MTSS1: variants seen among roughly 807,000 people sequenced by gnomAD.
The protein encoded by MTSS1 is protein MTSS 1.
In MTSS1, 18 loss-of-function variants were observed where a neutral mutation model predicts 79.0. That is an observed-to-expected ratio of 0.23 (90% CI 0.16 to 0.34). The LOEUF (loss-of-function observed/expected upper bound fraction) is 0.34, where lower values mean the gene tolerates loss of function less well. MTSS1 is among the 10% of genes least tolerant of loss of function. MTSS1 has a pLI of 1.00. For missense variants in MTSS1, 815 were observed against 986.2 expected (o/e 0.83, Z 2.33); for synonymous variants, 341 against 368.6 (o/e 0.93, Z 0.86).
chr8:124,635,941 C>G (rs888502481), intron 3 of MTSS1, among the ~76,000 whole-genome samples: 1 of 152,062 alleles, frequency 6.6e-6, no homozygotes, highest in East Asian at 1.9e-4. Flanking sequence ...AGCACCTGAA[C>G]GAGTCTTTAA....
intron 1 of MTSS1, among the ~76,000 whole-genome samples, chr8:124,711,263 C>T (rs1409684147): frequency 1.3e-5 from 2 of 152,192 alleles, no homozygotes; most frequent in Non-Finnish European, 2.9e-5. Context: ...ATCTGAGGTG[C>T]TGCTGCTCCT....
rs760992970 is a variant in MTSS1, at chr8:124,555,837, G to A, written c.1472C>T (p.Thr491Ile). ...LALSRGLQLDTQRSSRDSLQC... is the reference protein window; with the variant it reads ...LALSRGLQLDIQRSSRDSLQC... Reference sequence around the variant, plus strand: ...AAGCGAGTCCCGGCTGCTCCTCTGGGTGTCCAGCTGCAGGCCCCGAGACAG... The same window carrying A: ...AAGCGAGTCCCGGCTGCTCCTCTGGATGTCCAGCTGCAGGCCCCGAGACAG... Residue 491 changes from threonine (T) to isoleucine (I), a missense_variant, in exon 13 of 14, where the codon ACC (threonine) becomes ATC (isoleucine). Physicochemically the swap from Thr to Ile is moderately conservative, Grantham distance 89. Around this residue, in one of 2 missense-constraint regions of MTSS1, gnomAD observed 590 missense variants for 620.8 expected, o/e 0.95. Coordinates refer to ENST00000518547, the MANE Select transcript of MTSS1 (RefSeq NM_014751.6). 3.1e-6 allele frequency: 5 copies of A among 1,613,414 alleles called. No individual in the cohort carries two copies. The highest frequency in any genetic ancestry group is 2.5e-6 in the Non-Finnish European group (3 of 1,179,980).
intron 1 of MTSS1, among the ~76,000 whole-genome samples, chr8:124,704,763 T>G (rs1047792580): frequency 2.6e-5 from 4 of 152,232 alleles, no homozygotes; most frequent in Admixed American, 2.6e-4. Context: ...ACTCATCACC[T>G]TCCCAGCCTA....
At chr8:124,638,516 C>CT (rs1817441453) in intron 3 of MTSS1, among the ~76,000 whole-genome samples, 1 of 152,170 alleles carries the variant, frequency 6.6e-6, no homozygotes, top group South Asian at 2.1e-4. Flanking sequence ...TCCAAATTTC[C>CT]TTCCCCGGCG....
chr8:124,592,648 CA>C (rs1195073302), intron 3 of MTSS1, among the ~76,000 whole-genome samples: 1 of 152,162 alleles, frequency 6.6e-6, no homozygotes, highest in Non-Finnish European at 1.5e-5. Context: ...GTAACTGTGA[CA>C]TATATATCGT....
chr8:124,664,041 G>C (rs1302386977), intron 3 of MTSS1, among the ~76,000 whole-genome samples: 1 of 152,226 alleles, frequency 6.6e-6, no homozygotes, highest in African/African-American at 2.4e-5. Context: ...CCTGTGCCCA[G>C]GTCGGTGAGA....
chr8:124,668,661 A>G (rs1041258627), intron 3 of MTSS1, among the ~76,000 whole-genome samples: 1 of 152,218 alleles, frequency 6.6e-6, no homozygotes, highest in Non-Finnish European at 1.5e-5. Context: ...GGACCAGAAA[A>G]GAAAGATGAA....
At chr8:124,656,794 A>AAG (rs1563943337) in intron 3 of MTSS1, among the ~76,000 whole-genome samples, 1 of 150,934 alleles carries the variant, frequency 6.6e-6, no homozygotes, top group African/African-American at 2.4e-5. Context: ...AAAAAAAAAA[A>AAG]AAAAAGAAAA....
chr8:124,713,367 C>T (rs996751388), intron 1 of MTSS1, among the ~76,000 whole-genome samples: 5 of 152,220 alleles, frequency 3.3e-5, no homozygotes, highest in Non-Finnish European at 5.9e-5. Context: ...CCATGCTCCA[C>T]ATTTCTTGAA....
At chr8:124,602,140 A>G (rs1165497844) in intron 3 of MTSS1, among the ~76,000 whole-genome samples, 1 of 133,640 alleles carries the variant, frequency 7.5e-6, no homozygotes, top group Non-Finnish European at 1.6e-5. Context: ...ACTAACACAA[A>G]CAACAGCTAC....
intron 3 of MTSS1, among the ~76,000 whole-genome samples, chr8:124,658,754 G>A (rs910633839): frequency 1.1e-4 from 16 of 152,024 alleles, no homozygotes; most frequent in African/African-American, 2.9e-4. Flanking sequence ...GCAGCAAAGC[G>A]CCAAGGGGGA....
At chr8:124,633,663 G>A (rs187035962) in intron 3 of MTSS1, among the ~76,000 whole-genome samples, 60 of 152,066 alleles carry the variant, frequency 3.9e-4, no homozygotes, top group African/African-American at 1.3e-3. Context: ...CCAGCTACTC[G>A]AGGGGCTGAG....
intron 3 of MTSS1, among the ~76,000 whole-genome samples, chr8:124,691,943 A>G (rs1204783404): frequency 2.6e-5 from 4 of 152,172 alleles, no homozygotes. Flanking sequence ...TTTGAAAAAA[A>G]ATTGTTTTCA....
intron 3 of MTSS1, among the ~76,000 whole-genome samples, chr8:124,682,967 T>C (rs1826366616): frequency 6.6e-6 from 1 of 152,218 alleles, no homozygotes; most frequent in South Asian, 2.1e-4. Flanking sequence ...TGTCTTGCTT[T>C]TTGAAAGCTG....
chr8:124,611,174 G>T (rs186301986), intron 3 of MTSS1, among the ~76,000 whole-genome samples: 3 of 146,130 alleles, frequency 2.1e-5, no homozygotes, highest in Non-Finnish European at 4.5e-5. Context: ...GCTTCTCCCA[G>T]GGCCCTGCCC....
Position 124,552,458 on chromosome 8 carries a change from T to C in MTSS1, c.*534A>G, listed in dbSNP as rs1205865128. On this transcript the variant is annotated 3_prime_UTR_variant, in exon 14 of 14. Transcript: ENST00000518547. ...CTTCACTCTGAATATTGCTCATCAA[T>C]TGTTACTCCTGCTCTTTTCATCCAG... is the stretch of plus-strand genomic sequence containing the variant. 6.4e-6 allele frequency: 1 copy of C among 156,208 alleles called. No homozygotes were observed. Among genetic ancestry groups the C allele is most frequent in the Non-Finnish European group, 1.4e-5 (1 of 70,366 alleles). 9.7% of individuals were successfully genotyped at this position (156,208 alleles called of 1,614,324 possible).
intron 3 of MTSS1, among the ~76,000 whole-genome samples, chr8:124,677,489 C>T (rs1264810589): frequency 6.6e-6 from 1 of 152,216 alleles, no homozygotes; most frequent in Non-Finnish European, 1.5e-5. Flanking sequence ...TAGGGATGCA[C>T]TCTTACATTT....
intron 3 of MTSS1, among the ~76,000 whole-genome samples, chr8:124,685,953 A>G (rs1826898601): frequency 6.6e-6 from 1 of 152,216 alleles, no homozygotes; most frequent in South Asian, 2.1e-4. Context: ...CCAAGGAGCC[A>G]GCAGTCGGAA....
chr8:124,606,095 C>A (rs563278888), intron 3 of MTSS1, among the ~76,000 whole-genome samples: 2 of 151,204 alleles, frequency 1.3e-5, no homozygotes, highest in Non-Finnish European at 2.9e-5. Flanking sequence ...TGTGCCTCAG[C>A]CTCCCAAGTA....
Sources: gnomAD v4.1 joint callset for allele counts (sites outside exome capture counted in the v4.1 genomes callset) on GRCh38, gnomAD v4.1.1 for gene constraint, gnomAD v4.1.1 regional missense constraint, MANE v1.5 for transcripts, NCBI Gene and HGNC (gene_info 2026-07-23, HGNC 2026-07-21) for gene names.